Variants in CACNA1B observed in about 807,000 individuals in gnomAD.
CACNA1B encodes voltage-dependent N-type calcium channel subunit alpha-1B.
Under a neutral mutation model 247.2 loss-of-function variants are expected in CACNA1B, and 70 were observed. The ratio of observed to expected loss-of-function variants is 0.28; its 90% CI spans 0.23 to 0.35. The LOEUF (loss-of-function observed/expected upper bound fraction) is 0.35, where lower values mean the gene tolerates loss of function less well. Ranked by LOEUF, CACNA1B falls within the 10% of genes least tolerant of loss-of-function variation. The pLI, the probability that CACNA1B is intolerant of heterozygous loss-of-function variation, is 1.00. For missense variants in CACNA1B, 2,367 were observed against 3,197.4 expected, an observed-to-expected ratio of 0.74 and a Z score of 6.26; for synonymous variants, 1,231 against 1,294.4, an observed-to-expected ratio of 0.95 and a Z score of 1.05.
intron 41 of CACNA1B, among the ~76,000 whole-genome samples, chr9:138,115,199 G>A (rs1961810752): frequency 6.6e-6 from 1 of 152,192 alleles, no homozygotes; most frequent in Non-Finnish European, 1.5e-5. Flanking sequence ...CCAATTCAAG[G>A]TGATGATTAG....
chr9:137,924,289 T>TTGCC (rs375035832), intron 6 of CACNA1B, among the ~76,000 whole-genome samples: 2 of 151,714 alleles, frequency 1.3e-5, no homozygotes, highest in East Asian at 1.9e-4. Flanking sequence ...TGTGAGGTTT[T>TTGCC]TGCCTGCCTG....
intron 38 of CACNA1B, among the ~76,000 whole-genome samples, chr9:138,104,024 A>G (rs1564287889): frequency 1.3e-5 from 2 of 152,224 alleles, no homozygotes; most frequent in African/African-American, 2.4e-5. Flanking sequence ...GCGCCGGGGC[A>G]AGCAGGCAGG....
At chr9:137,892,673 T>C in intron 3 of CACNA1B, 1 of 328,382 alleles carries the variant, frequency 3.0e-6, no homozygotes, top group Non-Finnish European at 6.0e-6. Context: ...CAGGGCAGCC[T>C]CCCGTCCAAG....
intron 39 of CACNA1B, among the ~76,000 whole-genome samples, chr9:138,106,102 G>T (rs1170864591): frequency 6.6e-6 from 1 of 152,194 alleles, no homozygotes; most frequent in Non-Finnish European, 1.5e-5. Context: ...CCAGGACACA[G>T]CCTGGTCAAG....
rs1959574329 is a variant in CACNA1B at position 138,057,927 on chromosome 9, C to T, written c.4106+58C>T. On this transcript the variant is annotated intron_variant, in intron 27 of 46. Coordinates refer to ENST00000371372, the MANE Select transcript of CACNA1B (RefSeq NM_000718.4). The surrounding 1 kb of genome is among the most constrained non-coding windows in gnomAD (Gnocchi z 4.0). ...CAGGCAGCCCCTGAGCTCGGCCTCC[C>T]TTCCTCCCTCTATCCCTGGGCTCAG... 5.7e-6 allele frequency: 9 copies of T among 1,579,712 alleles called. No homozygotes were observed. In the Admixed American group the frequency reaches 1.6e-4, roughly 27 times the overall value.
chr9:138,034,566 G>A (rs571807141), intron 20 of CACNA1B, among the ~76,000 whole-genome samples: 106 of 151,672 alleles, frequency 7.0e-4, no homozygotes, highest in Middle Eastern at 3.4e-3. Context: ...AGGGAGAGCT[G>A]GGTTTATTGA....
intron 20 of CACNA1B, among the ~76,000 whole-genome samples, chr9:138,035,637 T>G (rs1266196158): frequency 6.6e-6 from 1 of 152,174 alleles, no homozygotes; most frequent in East Asian, 1.9e-4. Flanking sequence ...CCTGAAGTTT[T>G]GTCCACTTAA....
chr9:137,971,835 CT>C lies in CACNA1B; in HGVS notation c.1543+244del, dbSNP rs1201897906. Among the ~76,000 whole-genome samples the C allele has an allele frequency of 6.6e-6, 1 of 152,208 alleles. No individual in the cohort carries two copies. The highest frequency in any genetic ancestry group is 6.5e-5 in the Admixed American group (1 of 15,286). On this transcript the variant is annotated intron_variant, in intron 11 of 46. Transcript: ENST00000371372. The surrounding 1 kb of genome is among the most constrained non-coding windows in gnomAD (Gnocchi z 4.4). The stretch of plus-strand genomic sequence containing the variant: ...AAGCACAGCTGGATCTGCTAGACCC[CT>C]GTCCCTCAGCATAGTGTGAGACTGG...
chr9:137,953,358 C>T (rs924724791), intron 7 of CACNA1B, among the ~76,000 whole-genome samples: 5 of 152,324 alleles, frequency 3.3e-5, no homozygotes, highest in Middle Eastern at 3.4e-3. Context: ...CCCACGGCTC[C>T]GAGCCAGGCT....
At chr9:138,114,692 G>A (rs1961794021) in intron 41 of CACNA1B, among the ~76,000 whole-genome samples, 1 of 152,196 alleles carries the variant, frequency 6.6e-6, no homozygotes, top group African/African-American at 2.4e-5. Context: ...TGAGCTGGCG[G>A]TACTGGGCAG....
At chr9:137,923,463 C>A (rs1013164587) in intron 6 of CACNA1B, among the ~76,000 whole-genome samples, 5 of 151,012 alleles carry the variant, frequency 3.3e-5, no homozygotes, top group Middle Eastern at 3.4e-3. Flanking sequence ...TTCCGTGGTG[C>A]CAGGTAGTAT....
chr9:137,942,110 A>T (rs1434891398), intron 6 of CACNA1B, among the ~76,000 whole-genome samples: 1 of 152,240 alleles, frequency 6.6e-6, no homozygotes, highest in Admixed American at 6.5e-5. Flanking sequence ...TCCAGAATCC[A>T]CAATGAACTC....
chr9:137,948,931 G>A (rs1564202913), intron 6 of CACNA1B, among the ~76,000 whole-genome samples: 1 of 147,402 alleles, frequency 6.8e-6, no homozygotes, highest in Non-Finnish European at 1.5e-5. Flanking sequence ...TCTCTGTGGT[G>A]TGTTTGTGTA....
intron 11 of CACNA1B, 50 bp from the exon 12 acceptor site, chr9:137,975,857 G>T: frequency 8.8e-7 from 1 of 1,137,584 alleles, no homozygotes; most frequent in Non-Finnish European, 1.3e-6. Flanking sequence ...GCTGGAGCCA[G>T]AGTGGGAGGA....
At chr9:137,998,670 A>C (rs1383464708) in intron 15 of CACNA1B, among the ~76,000 whole-genome samples, 3 of 152,246 alleles carry the variant, frequency 2.0e-5, no homozygotes, top group Non-Finnish European at 4.4e-5. Flanking sequence ...GAGAATAAAG[A>C]GGCATATTAC....
chr9:137,944,358 A>G (rs1175270594), intron 6 of CACNA1B, among the ~76,000 whole-genome samples: 2 of 152,010 alleles, frequency 1.3e-5, no homozygotes, highest in Admixed American at 1.3e-4. Flanking sequence ...AACTTCCTTT[A>G]CCTTATCATA....
intron 20 of CACNA1B, among the ~76,000 whole-genome samples, chr9:138,033,655 A>G (rs1959010237): frequency 6.6e-6 from 1 of 152,234 alleles, no homozygotes; most frequent in Admixed American, 6.5e-5. Context: ...ATAGTTTCAC[A>G]TTGCTGAGGA....
At chr9:138,088,533 C>G (rs1183128725) in intron 36 of CACNA1B, among the ~76,000 whole-genome samples, 5 of 151,748 alleles carry the variant, frequency 3.3e-5, no homozygotes, top group Non-Finnish European at 7.4e-5. Flanking sequence ...AACTGTACAC[C>G]AACACATTAG....
intron 6 of CACNA1B, among the ~76,000 whole-genome samples, chr9:137,922,799 C>G (rs1362689888): frequency 6.6e-6 from 1 of 152,144 alleles, no homozygotes; most frequent in Non-Finnish European, 1.5e-5. Flanking sequence ...ACCTGCAAAA[C>G]TATAGTCAGG....
Sources: allele counts gnomAD v4.1 joint callset (sites outside exome capture counted in the v4.1 genomes callset), GRCh38; gene constraint gnomAD v4.1.1; non-coding constraint Gnocchi (gnomAD v3.1); transcripts MANE v1.5; gene names NCBI Gene and HGNC (gene_info 2026-07-23, HGNC 2026-07-21).